Variants in GRIA1 observed in about 807,000 individuals in gnomAD.
GRIA1 encodes glutamate receptor 1.
In GRIA1, 31 loss-of-function variants were observed where a neutral mutation model predicts 99.2. That is an observed-to-expected ratio of 0.31 (90% confidence interval 0.23 to 0.42). GRIA1 has a LOEUF of 0.42. Ranked by LOEUF, GRIA1 falls within the 10% of genes least tolerant of loss-of-function variation. GRIA1 has a pLI of 1.00. For missense variants in GRIA1, 782 were observed against 1,157.5 expected, an observed-to-expected ratio of 0.68 and a Z score of 4.71; for synonymous variants, 438 against 432.4, an observed-to-expected ratio of 1.01 and a Z score of -0.16.
At chr5:153,686,374 G>A in intron 8 of GRIA1, 45 bp downstream of exon 8, 2 of 1,441,380 alleles carry the variant, frequency 1.4e-6, no homozygotes, top group African/African-American at 1.4e-5. Flanking sequence ...AAGAGGCTGA[G>A]CAGGGACTCT....
upstream of GRIA1, chr5:153,489,800 C>T (rs1413408561): frequency 8.8e-6 from 4 of 456,546 alleles, no homozygotes; most frequent in South Asian, 3.1e-5. Flanking sequence ...AATCCTCTCA[C>T]TAGAATCCCT....
chr5:153,746,556 GACAATGCA>G (rs1762174747), intron 11 of GRIA1, among the ~76,000 whole-genome samples: 1 of 152,150 alleles, frequency 6.6e-6, no homozygotes, highest in African/African-American at 2.4e-5. Context: ...GGCCACAGAT[GACAATGCA>G]GGCCCACACC....
chr5:153,794,765 A>G (rs772026162), intron 14 of GRIA1, 30 bp downstream of exon 14: 8 of 1,331,526 alleles, frequency 6.0e-6, no homozygotes, highest in Non-Finnish European at 8.6e-6. Flanking sequence ...AAAAAAACCT[A>G]GTGGGTATGA....
At chr5:153,796,760 G>T (rs558140497) in intron 14 of GRIA1, among the ~76,000 whole-genome samples, 102 of 152,230 alleles carry the variant, frequency 6.7e-4, no homozygotes, top group African/African-American at 2.2e-3. Flanking sequence ...ATGAATTCAT[G>T]AACTGAGCTT....
At chr5:153,650,029 A>G (rs1754438140) in intron 3 of GRIA1, among the ~76,000 whole-genome samples, 1 of 152,170 alleles carries the variant, frequency 6.6e-6, no homozygotes, top group Non-Finnish European at 1.5e-5. Context: ...TATTTACACC[A>G]CACTTTACCT....
intron 10 of GRIA1, among the ~76,000 whole-genome samples, chr5:153,704,149 T>C (rs1758724052): frequency 6.6e-6 from 1 of 152,204 alleles, no homozygotes; most frequent in Admixed American, 6.5e-5. Context: ...AAGCACCTTC[T>C]CAATAATCCC....
intron 5 of GRIA1, among the ~76,000 whole-genome samples, chr5:153,674,008 G>A (rs77519529): frequency 0.048 from 7,294 of 152,294 alleles, 213 homozygotes; most frequent in Middle Eastern, 0.12. Flanking sequence ...AGCTTGCCCA[G>A]TGAAATTCAG....
intron 2 of GRIA1, among the ~76,000 whole-genome samples, chr5:153,645,162 T>C (rs1263495161): frequency 6.6e-6 from 1 of 152,160 alleles, no homozygotes; most frequent in Non-Finnish European, 1.5e-5. Context: ...CACCTTCAGA[T>C]ACCAGGAGGG....
At chr5:153,671,286 C>T (rs530387110) in intron 5 of GRIA1, among the ~76,000 whole-genome samples, 1 of 152,172 alleles carries the variant, frequency 6.6e-6, no homozygotes, top group African/African-American at 2.4e-5. Context: ...TGCCCAGGAC[C>T]TTGTTACAGA....
At chr5:153,795,007 G>A (rs1302323455) in intron 14 of GRIA1, among the ~76,000 whole-genome samples, 1 of 152,148 alleles carries the variant, frequency 6.6e-6, no homozygotes, top group African/African-American at 2.4e-5. Context: ...CATTGTGCCT[G>A]GACCTTCTTT....
At chr5:153,617,477 A>G (rs982431754) in intron 2 of GRIA1, among the ~76,000 whole-genome samples, 1 of 152,178 alleles carries the variant, frequency 6.6e-6, no homozygotes, top group African/African-American at 2.4e-5. Flanking sequence ...GAAACATGGG[A>G]CAAACGTTGG....
chr5:153,508,939 GCTAC>G (rs1755797863), intron 2 of GRIA1, among the ~76,000 whole-genome samples: 1 of 152,174 alleles, frequency 6.6e-6, no homozygotes, highest in African/African-American at 2.4e-5. Flanking sequence ...AGGGGCAGCA[GCTAC>G]AAAAAGACCT....
At chr5:153,705,295 C>T (rs1041536290) in intron 10 of GRIA1, among the ~76,000 whole-genome samples, 1 of 152,158 alleles carries the variant, frequency 6.6e-6, no homozygotes. Flanking sequence ...GGACCTGGGT[C>T]ACCTGCTTCC....
At chr5:153,577,078 ATGAG>A (rs1245290393) in intron 2 of GRIA1, among the ~76,000 whole-genome samples, 159 of 104,330 alleles carry the variant, frequency 1.5e-3, no homozygotes, top group Non-Finnish European at 1.9e-3. Flanking sequence ...GGATGGATGG[ATGAG>A]TGGATGAATG....
At chr5:153,650,560 A>C in intron 4 of GRIA1, 46 bp downstream of exon 4, 1 of 1,565,318 alleles carries the variant, frequency 6.4e-7, no homozygotes, top group African/African-American at 1.4e-5. Flanking sequence ...GAGGTGATTC[A>C]GGAATAGCCA....
At chr5:153,523,507 G>A (rs1399018917) in intron 2 of GRIA1, among the ~76,000 whole-genome samples, 1 of 84,438 alleles carries the variant, frequency 1.2e-5, no homozygotes, top group Non-Finnish European at 3.0e-5. Flanking sequence ...AGACTGCTTT[G>A]AACATTTTTT....
chr5:153,496,129 G>C (rs868217842), intron 2 of GRIA1, among the ~76,000 whole-genome samples: 2 of 152,336 alleles, frequency 1.3e-5, no homozygotes, highest in Non-Finnish European at 2.9e-5. Context: ...TAGGAGAAAA[G>C]GTTCTAAGGC....
chr5:153,565,216 C>T (rs1429337282), intron 2 of GRIA1, among the ~76,000 whole-genome samples: 3 of 152,090 alleles, frequency 2.0e-5, no homozygotes, highest in Admixed American at 1.3e-4. Context: ...TACCTGTGAT[C>T]GTATAAGAAA....
At chr5:153,626,750 A>G (rs1325402005) in intron 2 of GRIA1, among the ~76,000 whole-genome samples, 2 of 152,144 alleles carry the variant, frequency 1.3e-5, no homozygotes, top group African/African-American at 4.8e-5. Context: ...GGTACTGGAC[A>G]AAGCAGGATC....
Sources: allele counts gnomAD v4.1 joint callset (sites outside exome capture counted in the v4.1 genomes callset), GRCh38; gene constraint gnomAD v4.1.1; transcripts MANE v1.5; gene names NCBI Gene and HGNC (gene_info 2026-07-23, HGNC 2026-07-21).